The following HIGD2B variants were observed in gnomAD, a reference collection of about 807,000 sequenced individuals.
The protein encoded by HIGD2B is HIG1 domain family member 2B.
For synonymous variants in HIGD2B, 45 were observed against 28.1 expected, an observed-to-expected ratio of 1.60 and a Z score of -1.90; for missense variants, 106 against 67.0, an observed-to-expected ratio of 1.58 and a Z score of -2.03.
At position 72,686,128 on chromosome 15, in the gene HIGD2B, C is replaced by G. The variant is rs1361677222; in HGVS notation, c.-503G>C. 1.8e-5 allele frequency: 23 copies of G among 1,275,058 alleles called. No homozygotes were observed. The highest frequency in any genetic ancestry group is 1.9e-5 in the Non-Finnish European group (17 of 906,308). 79.0% of individuals were successfully genotyped at this position (1,275,058 alleles called of 1,614,324 possible). A position where few individuals can be genotyped will look rare whatever the true frequency, so the allele number is the denominator to read the frequency against. ...GGTCACTCGGCGATTTACTTCCTTCCCCCGCTTCCTCACAGTCCTCCACAG... is the reference window on the plus strand; with the variant it reads ...GGTCACTCGGCGATTTACTTCCTTCGCCCGCTTCCTCACAGTCCTCCACAG... On this transcript the variant is annotated 5_prime_UTR_variant, in exon 1 of 3. Transcript: ENST00000311755.
chr15:72,675,851 C>T lies in HIGD2B; in HGVS notation c.*203G>A, dbSNP rs965513498. ...GCAGGGGAGTGGAGGGAAGATGTGG[C>T]ACAAATAGAAATATGTAACATTCAA... On this transcript the variant is annotated 3_prime_UTR_variant, in exon 3 of 3. Transcript: ENST00000311755. 1 of 553,114 alleles carries T rather than the reference C, an allele frequency of 1.8e-6. No homozygotes were observed. The allele number at this position is 553,114 out of a possible 1,614,324, so 34.3% of individuals were successfully genotyped here.
rs2064720363 is a variant in HIGD2B at position 72,679,004 on chromosome 15, TAGAAA to T, written c.-14+1006_-14+1010del. Among the ~76,000 whole-genome samples, 4 of 86,110 alleles carry T rather than the reference TAGAAA, an allele frequency of 4.6e-5. No homozygotes were observed. In the South Asian group the frequency reaches 1.4e-3, roughly 30 times the overall value. 56.5% of individuals were successfully genotyped at this position (86,110 alleles called of 152,430 possible). On this transcript the variant is annotated intron_variant, in intron 2 of 2. Transcript: ENST00000311755. Reference sequence around the variant, plus strand: ...AGAGCAAGAGACTTTGTCTCAAAAATAGAAAAGAAAAGAAAGAAAAAGAAAAGGAA... The same window carrying T: ...AGAGCAAGAGACTTTGTCTCAAAAATAGAAAAGAAAGAAAAAGAAAAGGAA...
chr15:72,686,168 C>T lies in HIGD2B; in HGVS notation c.-543G>A. The T allele has an allele frequency of 6.6e-7, 1 of 1,524,968 alleles. No homozygotes were observed. The highest frequency in any genetic ancestry group is 1.4e-5 in the African/African-American group (1 of 72,794). 94.5% of individuals were successfully genotyped at this position (1,524,968 alleles called of 1,614,324 possible). On this transcript the variant is annotated 5_prime_UTR_variant, in exon 1 of 3. Transcript: ENST00000311755. ...GTCCTCCACAGCCCTACGACTTCCG[C>T]TTGCCTCGTCGTCTGGGAAACCGCC...
rs150450932 is a variant in HIGD2B at position 72,684,873 on chromosome 15, G to C, written c.-193+945C>G. 2.3e-3 allele frequency among the ~76,000 whole-genome samples: 350 copies of C among 152,002 alleles called. 1 individual carries two copies. The highest frequency in any genetic ancestry group is 8.3e-3 in the African/African-American group (344 of 41,456). On this transcript the variant is annotated intron_variant, in intron 1 of 2. Coordinates refer to ENST00000311755, the MANE Select transcript of HIGD2B (RefSeq NM_001350932.3). ...ATCTCGGCTCACTGCAACCTCTGCC[G>C]CTTGGGTTCAAGTGATTCTCCTGAC...
chr15:72,685,202 G>T (rs893114952), intron 1 of HIGD2B, among the ~76,000 whole-genome samples: 1 of 152,176 alleles, frequency 6.6e-6, no homozygotes, highest in African/African-American at 2.4e-5. Flanking sequence ...CTAATTGTCA[G>T]TGGGGTTCTC....
At chr15:72,679,135 G>A (rs1413613001) in intron 2 of HIGD2B, among the ~76,000 whole-genome samples, 1 of 151,768 alleles carries the variant, frequency 6.6e-6, no homozygotes, top group East Asian at 1.9e-4. Flanking sequence ...CTTTCGAGGT[G>A]GGCAGATCAC....
At chr15:72,683,668 C>T (rs1307773523) in intron 1 of HIGD2B, among the ~76,000 whole-genome samples, 1 of 151,828 alleles carries the variant, frequency 6.6e-6, no homozygotes, top group Non-Finnish European at 1.5e-5. Context: ...TGATGAAACC[C>T]CATCTTTACA....
rs776008812 is a variant in HIGD2B, at chr15:72,675,845, A to T, written c.*209T>A. The T allele has an allele frequency of 5.4e-6, 3 of 552,190 alleles. No individual in the cohort carries two copies. Among genetic ancestry groups the T allele is most frequent in the Non-Finnish European group, 9.6e-6 (3 of 311,524 alleles). The allele number at this position is 552,190 out of a possible 1,614,324, so 34.2% of individuals were successfully genotyped here. ...TATTAAGCAGGGGAGTGGAGGGAAG[A>T]TGTGGCACAAATAGAAATATGTAAC... On this transcript the variant is annotated 3_prime_UTR_variant, in exon 3 of 3. Coordinates refer to ENST00000311755, the MANE Select transcript of HIGD2B (RefSeq NM_001350932.3).
chr15:72,680,461 T>A (rs2064737388), intron 1 of HIGD2B, among the ~76,000 whole-genome samples: 1 of 152,178 alleles, frequency 6.6e-6, no homozygotes, highest in South Asian at 2.1e-4. Flanking sequence ...CAATCTAATA[T>A]CTGTGTATTA....
intron 1 of HIGD2B, among the ~76,000 whole-genome samples, chr15:72,681,645 C>T (rs552409927): frequency 1.3e-5 from 2 of 150,018 alleles, no homozygotes; most frequent in African/African-American, 2.5e-5. Flanking sequence ...GCTCTGTCGC[C>T]CAGGCTGGAG....
chr15:72,686,142 A>T lies in HIGD2B; in HGVS notation c.-517T>A. ...TTACTTCCTTCCCCCGCTTCCTCAC[A>T]GTCCTCCACAGCCCTACGACTTCCG... On this transcript the variant is annotated 5_prime_UTR_variant, in exon 1 of 3. Coordinates refer to ENST00000311755, the MANE Select transcript of HIGD2B (RefSeq NM_001350932.3). The T allele has an allele frequency of 7.3e-7, 1 of 1,379,216 alleles. No individual in the cohort carries two copies. Among genetic ancestry groups the T allele is most frequent in the Non-Finnish European group, 1.0e-6 (1 of 998,738 alleles). The allele number at this position is 1,379,216 out of a possible 1,614,324, so 85.4% of individuals were successfully genotyped here.
Position 72,683,962 on chromosome 15 carries a change from C to T in HIGD2B, c.-193+1856G>A, listed in dbSNP as rs140752767. On this transcript the variant is annotated intron_variant, in intron 1 of 2. Coordinates refer to ENST00000311755, the MANE Select transcript of HIGD2B (RefSeq NM_001350932.3). ...AGGCTGGAGTGCAGTGGCACGATCTCGGCTCACTTAGGCAAGGTGTTTAAT... is the reference window on the plus strand; with the variant it reads ...AGGCTGGAGTGCAGTGGCACGATCTTGGCTCACTTAGGCAAGGTGTTTAAT... Among the ~76,000 whole-genome samples the T allele has an allele frequency of 3.9e-3, 585 of 150,588 alleles. 1 individual carries two copies. Among genetic ancestry groups the T allele is most frequent in the African/African-American group, 0.013 (550 of 40,952 alleles).
Position 72,686,108 on chromosome 15 carries a change from C to A in HIGD2B, c.-483G>T. The A allele has an allele frequency of 9.4e-7, 1 of 1,059,832 alleles. No individual in the cohort carries two copies. The highest frequency in any genetic ancestry group is 1.4e-6 in the Non-Finnish European group (1 of 712,220). 65.7% of individuals were successfully genotyped at this position (1,059,832 alleles called of 1,614,324 possible). ...ATCCTCCCCCTGATTCCTTAGGTCA[C>A]TCGGCGATTTACTTCCTTCCCCCGC... On this transcript the variant is annotated 5_prime_UTR_variant, in exon 1 of 3. Transcript: ENST00000311755.
rs1420411770 is a variant in HIGD2B at position 72,676,249 on chromosome 15, C to T, written c.126G>A (p.Lys42=). The T allele has an allele frequency of 1.3e-6, 1 of 767,118 alleles. No individual in the cohort carries two copies. The highest frequency in any genetic ancestry group is 2.4e-6 in the Non-Finnish European group (1 of 417,812). The allele number at this position is 767,118 out of a possible 1,614,324, so 47.5% of individuals were successfully genotyped here. Residue 42 remains lysine, a synonymous_variant, in exon 3 of 3, where the codon AAG becomes AAA. Coordinates refer to ENST00000311755, the MANE Select transcript of HIGD2B (RefSeq NM_001350932.3). ...TGGGTACCACCGGATTCTCGCGGGT[C>T]TTGCGAAGGAACTTTTCCTTGAAAC... ...PEGFKEKFLR[K]TRENPVVPIG...
intron 1 of HIGD2B, among the ~76,000 whole-genome samples, chr15:72,680,405 C>A (rs955591908): frequency 6.6e-6 from 1 of 152,126 alleles, no homozygotes; most frequent in Admixed American, 6.5e-5. Flanking sequence ...AAAATGAGAT[C>A]ATGAATAAAC....
rs568848653 is a variant in HIGD2B at position 72,684,823 on chromosome 15, G to A, written c.-193+995C>T. ...TTTTTAGACGGAGTCTCCCTCTATC[G>A]CCCAGGCTGGAGCACAGAAATGCGA... is the stretch of plus-strand genomic sequence containing the variant. On this transcript the variant is annotated intron_variant, in intron 1 of 2. Coordinates refer to ENST00000311755, the MANE Select transcript of HIGD2B (RefSeq NM_001350932.3). 6.9e-4 allele frequency among the ~76,000 whole-genome samples: 105 copies of A among 151,638 alleles called. 1 individual carries two copies. The highest frequency in any genetic ancestry group is 2.5e-3 in the African/African-American group (105 of 41,336).
intron 2 of HIGD2B, among the ~76,000 whole-genome samples, chr15:72,677,591 G>C (rs1450018067): frequency 6.6e-6 from 1 of 151,732 alleles, no homozygotes; most frequent in Non-Finnish European, 1.5e-5. Flanking sequence ...GCGAGATTCT[G>C]TATCTATAAA....
Position 72,685,878 on chromosome 15 carries a change from G to C in HIGD2B, c.-253C>G, listed in dbSNP as rs1475373604. 1 of 438,750 alleles carries C rather than the reference G, an allele frequency of 2.3e-6. No homozygotes were observed. The highest frequency in any genetic ancestry group is 4.2e-6 in the Non-Finnish European group (1 of 235,746). The allele number at this position is 438,750 out of a possible 1,614,324, so 27.2% of individuals were successfully genotyped here. On this transcript the variant is annotated 5_prime_UTR_variant, in exon 1 of 3. The change creates a new upstream start codon in the 5' untranslated region. Coordinates refer to ENST00000311755, the MANE Select transcript of HIGD2B (RefSeq NM_001350932.3). ...CGGAAGAAGGACTGAATTAAATGCAGATTAGAGTCAGGGCAGGGTAAGGTG... is the reference window on the plus strand; with the variant it reads ...CGGAAGAAGGACTGAATTAAATGCACATTAGAGTCAGGGCAGGGTAAGGTG...
Position 72,686,154 on chromosome 15 carries a change from C to A in HIGD2B, c.-529G>T, listed in dbSNP as rs1308437463. The A allele has an allele frequency of 6.8e-7, 1 of 1,464,250 alleles. No individual in the cohort carries two copies. Among genetic ancestry groups the A allele is most frequent in the Non-Finnish European group, 9.3e-7 (1 of 1,074,168 alleles). 90.7% of individuals were successfully genotyped at this position (1,464,250 alleles called of 1,614,324 possible). On this transcript the variant is annotated 5_prime_UTR_variant, in exon 1 of 3. Coordinates refer to ENST00000311755, the MANE Select transcript of HIGD2B (RefSeq NM_001350932.3). ...CCCGCTTCCTCACAGTCCTCCACAG[C>A]CCTACGACTTCCGCTTGCCTCGTCG...
Sources: allele counts gnomAD v4.1 joint callset (sites outside exome capture counted in the v4.1 genomes callset), GRCh38; gene constraint gnomAD v4.1.1; transcripts MANE v1.5; gene names NCBI Gene and HGNC (gene_info 2026-07-23, HGNC 2026-07-21).